The following PHRF1 variants were observed in gnomAD, a reference collection of about 807,000 sequenced individuals.
The protein encoded by PHRF1 is PHD and ring finger domains 1.
PHRF1 carries 53 observed loss-of-function variants against 128.9 expected under a neutral mutation model. That is an observed-to-expected ratio of 0.41 (90% CI 0.33 to 0.52). The LOEUF (loss-of-function observed/expected upper bound fraction) is 0.52, where lower values mean the gene tolerates loss of function less well. PHRF1 is among the 20% of genes least tolerant of loss of function. The pLI is 0.21. For missense variants in PHRF1, 2,503 were observed against 2,284.5 expected (o/e 1.10, Z -1.95); for synonymous variants, 1,178 against 980.6 (o/e 1.20, Z -3.76).
At chr11:605,372 A>C in intron 11 of PHRF1, 72 bp downstream of exon 11, 1 of 1,569,664 alleles carries the variant, frequency 6.4e-7, no homozygotes, top group East Asian at 2.3e-5. Context: ...CGGGGCCCCG[A>C]GGTGCATGCG....
Position 597,573 on chromosome 11 carries a change from G to C in PHRF1, c.894+3G>C, listed in dbSNP as rs1042392659. The stretch of plus-strand genomic sequence containing the variant: ...TCTCCACGGCCAGGAGGGTCCAGGT[G>C]GGTGGCCCAGCCCTGACGCCAGTCG... On this transcript the variant is annotated splice_donor_region_variant and intron_variant, in intron 8 of 17. Coordinates refer to ENST00000264555, the MANE Select transcript of PHRF1 (RefSeq NM_001286581.2). The surrounding 1 kb of genome is among the most constrained non-coding windows in gnomAD (Gnocchi z 6.5). 1.9e-6 allele frequency: 3 copies of C among 1,609,282 alleles called. No homozygotes were observed. The African/African-American group carries it at 4.0e-5, about 21-fold the overall frequency.
chr11:582,782 C>T (rs1854284650), intron 3 of PHRF1, among the ~76,000 whole-genome samples: 1 of 151,850 alleles, frequency 6.6e-6, no homozygotes, highest in Admixed American at 6.6e-5. Flanking sequence ...CCTCAGCCTC[C>T]CAAAGTGCTG....
Position 602,952 on chromosome 11 carries a change from A to G in PHRF1, c.1152+1251A>G, listed in dbSNP as rs554767731. Among the ~76,000 whole-genome samples the G allele has an allele frequency of 3.0e-4, 46 of 151,992 alleles. No individual in the cohort carries two copies. The East Asian group carries it at 7.8e-3, about 26-fold the overall frequency. On this transcript the variant is annotated intron_variant, in intron 10 of 17. Coordinates refer to ENST00000264555, the MANE Select transcript of PHRF1 (RefSeq NM_001286581.2). ...TAATTTTTGTATTTTTATTAGAGAT[A>G]GGGTTTCACCATGTTGATCAGGCTG...
chr11:609,802 TGAGTAAG>T (rs1187378823), intron 14 of PHRF1, 82 bp downstream of exon 14: 2 of 929,122 alleles, frequency 2.2e-6, no homozygotes, highest in African/African-American at 4.7e-5. Context: ...GAGCCCCCCG[TGAGTAAG>T]GCCCCGGCCT....
At chr11:583,283 G>A (rs1490285858) in intron 3 of PHRF1, among the ~76,000 whole-genome samples, 2 of 152,052 alleles carry the variant, frequency 1.3e-5, no homozygotes, top group African/African-American at 2.4e-5. Context: ...AGGTTGCAGT[G>A]AGCCAAGATC....
In PHRF1 at chr11:597,206, G is replaced by A. The variant is rs1379604793; in HGVS notation, c.718+186G>A. Among the ~76,000 whole-genome samples, 1 of 152,108 alleles carries A rather than the reference G, an allele frequency of 6.6e-6. No individual in the cohort carries two copies. The highest frequency in any genetic ancestry group is 1.5e-5 in the Non-Finnish European group (1 of 67,990). On this transcript the variant is annotated intron_variant, in intron 7 of 17. Coordinates refer to ENST00000264555, the MANE Select transcript of PHRF1 (RefSeq NM_001286581.2). The surrounding 1 kb of genome is among the most constrained non-coding windows in gnomAD (Gnocchi z 6.5). ...CGGGCTCGTCTTCTCGGGGATGTGT[G>A]TGGGGTCCATTGGCTGGGGGGTTCC... is the stretch of plus-strand genomic sequence containing the variant.
chr11:585,014 A>T (rs181915117), intron 3 of PHRF1, among the ~76,000 whole-genome samples: 23 of 152,302 alleles, frequency 1.5e-4, no homozygotes, highest in African/African-American at 4.1e-4. Flanking sequence ...CTGGGATGAC[A>T]GGCATGAGCC....
rs371696222 is a variant in PHRF1 at position 597,487 on chromosome 11, C to T, written c.811C>T (p.Arg271Trp). 11 of 1,612,446 alleles carry T rather than the reference C, an allele frequency of 6.8e-6. No individual in the cohort carries two copies. The highest frequency in any genetic ancestry group is 5.3e-5 in the African/African-American group (4 of 74,896). Reference protein sequence around the residue: ...SRLRPRAGRTRAIARTRQSER... With the variant: ...SRLRPRAGRTWAIARTRQSER... ...GCTTCGGCCTCGAGCAGGTAGGACC[C>T]GGGCGATAGCCAGGACACGGCAGAG... The change falls in exon 8 of 18, where the codon CGG (arginine) becomes TGG (tryptophan). Residue 271 changes from arginine (R) to tryptophan (W), a missense_variant. Coordinates refer to ENST00000264555, the MANE Select transcript of PHRF1 (RefSeq NM_001286581.2). The surrounding 1 kb of genome is among the most constrained non-coding windows in gnomAD (Gnocchi z 6.5).
Position 591,481 on chromosome 11 carries a change from C to T in PHRF1, c.504+14C>T. ...ATCTTAAGAAAGGTGAGTGTGGACG[C>T]TGCCGTGGAGGCCCCAGCCGTGCTT... is the stretch of plus-strand genomic sequence containing the variant. On this transcript the variant is annotated intron_variant, in intron 5 of 17. Coordinates refer to ENST00000264555, the MANE Select transcript of PHRF1 (RefSeq NM_001286581.2). 2 of 1,596,726 alleles carry T rather than the reference C, an allele frequency of 1.3e-6. No individual in the cohort carries two copies. The highest frequency in any genetic ancestry group is 1.7e-6 in the Non-Finnish European group (2 of 1,170,662).
At chr11:594,747 C>T (rs1470889959) in intron 6 of PHRF1, among the ~76,000 whole-genome samples, 3 of 152,192 alleles carry the variant, frequency 2.0e-5, no homozygotes, top group Non-Finnish European at 4.4e-5. Context: ...AAGGCGTGAG[C>T]CACTATGCCC....
chr11:607,899 C>G lies in PHRF1; in HGVS notation c.2443C>G (p.Pro815Ala). The change falls in exon 14 of 18, where the codon CCC becomes GCC. Residue 815 changes from proline to alanine, a missense_variant. Pro to Ala is a conservative substitution (Grantham distance 27, BLOSUM62 -1). Coordinates refer to ENST00000264555, the MANE Select transcript of PHRF1 (RefSeq NM_001286581.2). ...DKEQRKENPS[P>A]LFSIKKTKQL... ...GGAGCAGAGGAAGGAGAACCCCTCA[C>G]CCCTCTTCTCCATCAAGAAGACGAA... 6.2e-7 allele frequency: 1 copy of G among 1,612,698 alleles called. No individual in the cohort carries two copies. Among genetic ancestry groups the G allele is most frequent in the Non-Finnish European group, 8.5e-7 (1 of 1,179,876 alleles).
At position 600,512 on chromosome 11, in the gene PHRF1, A is replaced by ATATATATATATATATATATG. The variant is rs1437772767; in HGVS notation, c.1025-1055_1025-1054insATATATATATATGTATATAT. On this transcript the variant is annotated intron_variant, in intron 9 of 17. Coordinates refer to ENST00000264555, the MANE Select transcript of PHRF1 (RefSeq NM_001286581.2). Reference sequence around the variant, plus strand: ...TCCAAAAATATATATATATATATATATATATATGGTTTATTTCTCCGTTTA... The same window carrying ATATATATATATATATATATG: ...TCCAAAAATATATATATATATATATATATATATATATATATATATGTATATATGGTTTATTTCTCCGTTTA... 6.6e-4 allele frequency among the ~76,000 whole-genome samples: 95 copies of ATATATATATATATATATATG among 144,500 alleles called. 1 individual carries two copies. The highest frequency in any genetic ancestry group is 2.3e-3 in the African/African-American group (89 of 38,060). The allele number at this position is 144,500 out of a possible 152,430, so 94.8% of individuals were successfully genotyped here. A position where few individuals can be genotyped will look rare whatever the true frequency, so the allele number is the denominator to read the frequency against.
chr11:599,279 G>C (rs1855495110), intron 9 of PHRF1, among the ~76,000 whole-genome samples: 1 of 115,562 alleles, frequency 8.7e-6, no homozygotes, highest in East Asian at 2.4e-4. Context: ...TTTTGAGACA[G>C]AGTCTCGCTC....
chr11:585,743 C>G (rs1289808757), intron 3 of PHRF1, among the ~76,000 whole-genome samples: 1 of 145,392 alleles, frequency 6.9e-6, no homozygotes, highest in Admixed American at 7.2e-5. Flanking sequence ...TGCAGCAGCA[C>G]GATCTCAGTT....
intron 4 of PHRF1, among the ~76,000 whole-genome samples, 165 bp downstream of exon 4, chr11:587,629 A>G (rs530963828): frequency 3.3e-5 from 5 of 152,040 alleles, no homozygotes; most frequent in Admixed American, 1.3e-4. Context: ...TGTGAGCACC[A>G]TGGCTCTTGG....
At position 610,185 on chromosome 11, in the gene PHRF1, C is replaced by T. The variant is rs373253589; in HGVS notation, c.4265-11C>T. The T allele has an allele frequency of 5.3e-4, 792 of 1,496,308 alleles. 3 individuals are homozygous for T. The highest frequency in any genetic ancestry group is 1.7e-3 in the Middle Eastern group (10 of 5,718). The allele number at this position is 1,496,308 out of a possible 1,614,324, so 92.7% of individuals were successfully genotyped here. A position where few individuals can be genotyped will look rare whatever the true frequency, so the allele number is the denominator to read the frequency against. Reference sequence around the variant, plus strand: ...ACAGAGCACCCACCTCCCTGTCTGTCGGGCCCCCAGGGGCACCACTTCACA... The same window carrying T: ...ACAGAGCACCCACCTCCCTGTCTGTTGGGCCCCCAGGGGCACCACTTCACA... On this transcript the variant is annotated splice_polypyrimidine_tract_variant and intron_variant, in intron 14 of 17. Coordinates refer to ENST00000264555, the MANE Select transcript of PHRF1 (RefSeq NM_001286581.2).
Position 608,423 on chromosome 11 carries a change from C to T in PHRF1, c.2967C>T (p.Pro989=), listed in dbSNP as rs768942785. 44 of 1,611,696 alleles carry T rather than the reference C, an allele frequency of 2.7e-5. No homozygotes were observed. Among genetic ancestry groups the T allele is most frequent in the Non-Finnish European group, 3.3e-5 (39 of 1,179,618 alleles). Reference sequence around the variant, plus strand: ...CCCACAGAGTCGTGGAGCTCAGGCCCCCTTCCCGGTCCCGCTCCACATCCA... The same window carrying T: ...CCCACAGAGTCGTGGAGCTCAGGCCTCCTTCCCGGTCCCGCTCCACATCCA... The part of the protein sequence containing the change: ...AATHRVVELR[P]PSRSRSTSSS... Residue 989 remains proline, a synonymous_variant, in exon 14 of 18, where the codon CCC becomes CCT. Coordinates refer to ENST00000264555, the MANE Select transcript of PHRF1 (RefSeq NM_001286581.2).
intron 10 of PHRF1, 76 bp from the exon 11 acceptor site, chr11:605,043 C>T: frequency 7.1e-7 from 1 of 1,413,390 alleles, no homozygotes; most frequent in South Asian, 1.3e-5. Context: ...ATGAAGGCTT[C>T]ACGTGGCATT....
At chr11:600,495 T>TAA (rs749599842) in intron 9 of PHRF1, among the ~76,000 whole-genome samples, 18 of 39,020 alleles carry the variant, frequency 4.6e-4, no homozygotes, top group African/African-American at 9.3e-4. Context: ...TCTCCAAAAA[T>TAA]ATATATATAT....
Sources: gnomAD v4.1 joint callset for allele counts (sites outside exome capture counted in the v4.1 genomes callset) on GRCh38, gnomAD v4.1.1 for gene constraint, Gnocchi (gnomAD v3.1) non-coding constraint, MANE v1.5 for transcripts, NCBI Gene and HGNC (gene_info 2026-07-23, HGNC 2026-07-21) for gene names.